DOCK5: variants seen among roughly 807,000 people sequenced by gnomAD.
The protein encoded by DOCK5 is dedicator of cytokinesis 5.
A neutral mutation model predicts 251.8 loss-of-function variants in DOCK5; 142 were observed. That is an observed-to-expected ratio of 0.56 (90% confidence interval 0.49 to 0.65). The LOEUF is 0.65. DOCK5 is among the 30% of genes least tolerant of loss of function. The pLI, the probability that DOCK5 is intolerant of heterozygous loss-of-function variation, is 0.00. For synonymous variants in DOCK5, 842 were observed against 835.5 expected, an observed-to-expected ratio of 1.01 and a Z score of -0.13; for missense variants, 2,111 against 2,312.3, an observed-to-expected ratio of 0.91 and a Z score of 1.79.
intron 22 of DOCK5, among the ~76,000 whole-genome samples, chr8:25,340,148 G>A (rs1805917375): frequency 6.6e-6 from 1 of 152,212 alleles, no homozygotes; most frequent in African/African-American, 2.4e-5. Context: ...AGCGAATTCT[G>A]TTGTAGGTGT....
intron 5 of DOCK5, among the ~76,000 whole-genome samples, chr8:25,279,111 G>A (rs1804120344): frequency 6.6e-6 from 1 of 152,162 alleles, no homozygotes; most frequent in African/African-American, 2.4e-5. Context: ...TCAGCTGCAT[G>A]AGGATGACAT....
chr8:25,292,942 A>T (rs2117153041), intron 6 of DOCK5, among the ~76,000 whole-genome samples: 1 of 152,290 alleles, frequency 6.6e-6, no homozygotes, highest in South Asian at 2.1e-4. Context: ...GTAGTAAAAC[A>T]TGTTTGTAGC....
intron 3 of DOCK5, among the ~76,000 whole-genome samples, chr8:25,274,802 A>AT (rs111329249): frequency 0.02 from 2,931 of 148,236 alleles, 92 homozygotes; most frequent in African/African-American, 0.068. Context: ...TTCCACATGG[A>AT]TTTTTTTTTT....
At chr8:25,273,187 C>A (rs1740416320) in intron 3 of DOCK5, among the ~76,000 whole-genome samples, 1 of 152,180 alleles carries the variant, frequency 6.6e-6, no homozygotes, top group Non-Finnish European at 1.5e-5. Flanking sequence ...CCAGAGGAAT[C>A]ACACGCAGTT....
Position 25,199,831 on chromosome 8 carries a change from G to A in DOCK5, c.43+14880G>A, listed in dbSNP as rs1801837906. Among the ~76,000 whole-genome samples, 3 of 112,984 alleles carry A rather than the reference G, an allele frequency of 2.7e-5. No individual in the cohort carries two copies. The South Asian group carries it at 7.6e-4, about 29-fold the overall frequency. 74.1% of individuals were successfully genotyped at this position (112,984 alleles called of 152,430 possible). On this transcript the variant is annotated intron_variant, in intron 1 of 51. Coordinates refer to ENST00000276440, the MANE Select transcript of DOCK5 (RefSeq NM_024940.8). ...CAATATCTACCCACGTGGAACCAGAGGTGCTGGTGCTGGTGCTGGTGCTGA... is the reference window on the plus strand; with the variant it reads ...CAATATCTACCCACGTGGAACCAGAAGTGCTGGTGCTGGTGCTGGTGCTGA...
chr8:25,248,288 G>A (rs926904464), intron 2 of DOCK5, among the ~76,000 whole-genome samples: 7 of 152,160 alleles, frequency 4.6e-5, no homozygotes, highest in South Asian at 2.1e-4. Flanking sequence ...AAGGCAGCTC[G>A]AGGCAAGGGC....
chr8:25,346,940 G>A (rs928424560), intron 26 of DOCK5, among the ~76,000 whole-genome samples: 2 of 152,108 alleles, frequency 1.3e-5, no homozygotes, highest in Admixed American at 6.5e-5. Flanking sequence ...GAACTTTGCA[G>A]AATGTGTTCA....
intron 40 of DOCK5, among the ~76,000 whole-genome samples, chr8:25,386,090 T>C (rs1466637130): frequency 1.3e-5 from 2 of 152,132 alleles, no homozygotes; most frequent in African/African-American, 2.4e-5. Context: ...TCTAAAGTGT[T>C]TGCAAAGTTT....
chr8:25,284,594 A>G (rs1453106369), intron 5 of DOCK5, among the ~76,000 whole-genome samples: 1 of 152,190 alleles, frequency 6.6e-6, no homozygotes, highest in Non-Finnish European at 1.5e-5. Context: ...CAGCGAGCTG[A>G]TCTTTGGCCT....
intron 1 of DOCK5, among the ~76,000 whole-genome samples, chr8:25,229,130 G>A (rs1373493454): frequency 3.3e-5 from 5 of 151,696 alleles, no homozygotes; most frequent in African/African-American, 7.3e-5. Flanking sequence ...TGAAGGCAAC[G>A]AAAAGTCGCA....
chr8:25,392,265 C>T (rs1359860111), intron 43 of DOCK5, among the ~76,000 whole-genome samples: 3 of 148,982 alleles, frequency 2.0e-5, no homozygotes, highest in Non-Finnish European at 4.4e-5. Flanking sequence ...GGTCGCACCA[C>T]TGCACTCCAG....
In DOCK5 at chr8:25,410,128, G is replaced by C; in HGVS notation, c.5434G>C (p.Ala1812Pro). 6.2e-7 allele frequency: 1 copy of C among 1,613,414 alleles called. No homozygotes were observed. The highest frequency in any genetic ancestry group is 2.2e-5 in the East Asian group (1 of 44,782). Residue 1812 changes from alanine (A) to proline (P), a missense_variant, in exon 51 of 52, where the codon GCG becomes CCG. Physicochemically the swap from Ala to Pro is conservative, Grantham distance 27 (BLOSUM62 -1). This residue lies in a region of DOCK5 where 1,717 missense variants were observed against 1,892.4 expected (regional missense o/e 0.91). Coordinates refer to ENST00000276440, the MANE Select transcript of DOCK5 (RefSeq NM_024940.8). ...CCCATCGTTGCAGACAGATGGAATC[G>C]CGGCCACTCCTGTCCCACCTCCACC... ...SSPSLQTDGI[A>P]ATPVPPPPPP... is the part of the protein sequence containing the mutation.
At chr8:25,395,747 G>T in intron 45 of DOCK5, 28 bp downstream of exon 45, 4 of 1,603,080 alleles carry the variant, frequency 2.5e-6, no homozygotes, top group Non-Finnish European at 3.4e-6. Flanking sequence ...ATCCCCTAGG[G>T]ATTCACAGAC....
rs927232128 is a variant in DOCK5, at chr8:25,404,960, G to T, written c.5093+1236G>T. Among the ~76,000 whole-genome samples, 3 of 151,756 alleles carry T rather than the reference G, an allele frequency of 2.0e-5. 1 individual carries two copies. Among genetic ancestry groups the T allele is most frequent in the Non-Finnish European group, 4.4e-5 (3 of 67,932 alleles). On this transcript the variant is annotated intron_variant, in intron 48 of 51. Coordinates refer to ENST00000276440, the MANE Select transcript of DOCK5 (RefSeq NM_024940.8). The stretch of plus-strand genomic sequence containing the variant: ...TTGTATACTTTTTGTTTGTTTTTTG[G>T]TTTTTGTTTATTTTTCTTGTTTTGC...
chr8:25,319,811 G>C lies in DOCK5; in HGVS notation c.1542+135G>C, dbSNP rs371011994. 19 of 569,708 alleles carry C rather than the reference G, an allele frequency of 3.3e-5. No homozygotes were observed. In the Admixed American group the frequency reaches 4.6e-4, roughly 14 times the overall value. 35.3% of individuals were successfully genotyped at this position (569,708 alleles called of 1,614,324 possible). ...TTGCCTATGGTGTGCAGTAAGAAAT[G>C]AATCAGTAATTATAATTCTGTATTA... On this transcript the variant is annotated intron_variant, in intron 15 of 51. Coordinates refer to ENST00000276440, the MANE Select transcript of DOCK5 (RefSeq NM_024940.8).
At chr8:25,305,176 T>C (rs1347146759) in intron 11 of DOCK5, 1 of 151,818 alleles carries the variant, frequency 6.6e-6, no homozygotes, top group East Asian at 1.9e-4. Context: ...CAGCTGCCAC[T>C]GCAGACAAGT....
At chr8:25,310,166 G>A (rs960236486) in intron 12 of DOCK5, among the ~76,000 whole-genome samples, 3 of 152,022 alleles carry the variant, frequency 2.0e-5, no homozygotes, top group Admixed American at 2.0e-4. Context: ...ATCTGGTAGG[G>A]TCTATCTTTA....
At chr8:25,318,762 C>T (rs763101637) in intron 14 of DOCK5, among the ~76,000 whole-genome samples, 20 of 151,910 alleles carry the variant, frequency 1.3e-4, no homozygotes, top group Non-Finnish European at 2.5e-4. Flanking sequence ...TCGTATGAGC[C>T]GTAGTTAACT....
intron 10 of DOCK5, among the ~76,000 whole-genome samples, chr8:25,303,499 C>T (rs1214971216): frequency 6.6e-6 from 1 of 152,178 alleles, no homozygotes; most frequent in Non-Finnish European, 1.5e-5. Flanking sequence ...CTTAAACGCC[C>T]AGCATCTTCC....
Sources: gnomAD v4.1 joint callset for allele counts (sites outside exome capture counted in the v4.1 genomes callset) on GRCh38, gnomAD v4.1.1 for gene constraint, gnomAD v4.1.1 regional missense constraint, MANE v1.5 for transcripts, NCBI Gene and HGNC (gene_info 2026-07-23, HGNC 2026-07-21) for gene names.